Variants in MICAL2 observed in about 807,000 individuals in gnomAD.
The protein encoded by MICAL2 is microtubule associated monooxygenase, calponin and LIM domain containing 2, also known as [F-actin]-monooxygenase MICAL2.
A neutral mutation model predicts 127.3 loss-of-function variants in MICAL2; 77 were observed. That is an observed-to-expected ratio of 0.60 (90% CI 0.50 to 0.73). The LOEUF (loss-of-function observed/expected upper bound fraction) is 0.73, where lower values mean the gene tolerates loss of function less well. Ranked by LOEUF, MICAL2 falls within the 30% of genes least tolerant of loss-of-function variation. The pLI is 0.00. For synonymous variants in MICAL2, 570 were observed against 551.1 expected (o/e 1.03, Z -0.48); for missense variants, 1,351 against 1,434.4 (o/e 0.94, Z 0.94).
At position 12,162,409 on chromosome 11, in the gene MICAL2, C is replaced by G; in HGVS notation, c.254C>G (p.Thr85Arg). 1 of 1,614,184 alleles carries G rather than the reference C, an allele frequency of 6.2e-7. No homozygotes were observed. The highest frequency in any genetic ancestry group is 8.5e-7 in the Non-Finnish European group (1 of 1,180,000). The change falls in exon 3 of 28, where the codon ACG becomes AGG. Residue 85 changes from threonine to arginine, a missense_variant. By Grantham distance (71) the Thr-to-Arg change is moderately conservative. This residue lies in a region of MICAL2 where 599 missense variants were observed against 714.9 expected (regional missense o/e 0.84). Transcript: ENST00000683283. The stretch of plus-strand genomic sequence containing the variant: ...GAGTATAAGCGAGGGAAGTCGTGCA[C>G]GAACACCAAGGTAAGGGGAAACCCT... Reference protein sequence around the residue: ...HKEYKRGKSCTNTKCLIVGGG... With the variant: ...HKEYKRGKSCRNTKCLIVGGG...
intron 8 of MICAL2, among the ~76,000 whole-genome samples, chr11:12,218,149 C>A (rs1026068565): frequency 6.6e-6 from 1 of 152,194 alleles, no homozygotes; most frequent in African/African-American, 2.4e-5. Flanking sequence ...GGCTTCTTTC[C>A]ATGGCTACCG....
intron 31 of MICAL2, among the ~76,000 whole-genome samples, chr11:12,325,714 C>G (rs1023959778): frequency 1.3e-5 from 2 of 152,096 alleles, no homozygotes; most frequent in Admixed American, 1.3e-4. Context: ...GGGCCCCAGC[C>G]CTATGACTTC....
intron 1 of MICAL2, among the ~76,000 whole-genome samples, chr11:12,124,068 CT>C (rs1240209322): frequency 2.6e-5 from 4 of 152,208 alleles, no homozygotes; most frequent in Non-Finnish European, 5.9e-5. Flanking sequence ...TGCTTCTCCC[CT>C]GTCCTAAACT....
intron 8 of MICAL2, among the ~76,000 whole-genome samples, chr11:12,217,051 G>A (rs570559700): frequency 2.6e-4 from 40 of 152,238 alleles, no homozygotes; most frequent in Non-Finnish European, 2.9e-4. Context: ...GCTTAAGCAC[G>A]GAGCAGGGTT....
At chr11:12,118,269 G>A (rs528803262) in intron 1 of MICAL2, among the ~76,000 whole-genome samples, 70 of 152,242 alleles carry the variant, frequency 4.6e-4, no homozygotes, top group African/African-American at 1.6e-3. Flanking sequence ...ATAGATGCAC[G>A]GTAAGATATC....
intron 22 of MICAL2, chr11:12,255,228 A>AT: frequency 5.8e-6 from 1 of 172,802 alleles, no homozygotes; most frequent in Non-Finnish European, 1.3e-5. Flanking sequence ...AGCCTTAACC[A>AT]TTTTTTAAGG....
intron 32 of MICAL2, among the ~76,000 whole-genome samples, chr11:12,348,495 T>C (rs1332132539): frequency 6.6e-6 from 1 of 152,168 alleles, no homozygotes; most frequent in Non-Finnish European, 1.5e-5. Flanking sequence ...TAGTCCTCCA[T>C]AAATACTGAG....
chr11:12,261,013 C>T, intron 26 of MICAL2: 7 of 985,536 alleles, frequency 7.1e-6, no homozygotes, highest in Non-Finnish European at 8.4e-6. Context: ...CATTTTAGCC[C>T]CTGTGGCTCC....
chr11:12,202,768 T>C (rs1051306507), intron 3 of MICAL2, among the ~76,000 whole-genome samples: 1 of 152,242 alleles, frequency 6.6e-6, no homozygotes, highest in African/African-American at 2.4e-5. Context: ...CTCTGTACCA[T>C]GTTTTTTTCT....
chr11:12,157,928 C>A (rs1232116593), intron 2 of MICAL2, among the ~76,000 whole-genome samples: 1 of 152,144 alleles, frequency 6.6e-6, no homozygotes, highest in Non-Finnish European at 1.5e-5. Flanking sequence ...ACATGGGAAA[C>A]TAAAACCCAA....
upstream of MICAL2, among the ~76,000 whole-genome samples, chr11:12,273,632 A>G (rs914281504): frequency 4.0e-5 from 6 of 151,518 alleles, no homozygotes; most frequent in African/African-American, 1.5e-4. Context: ...TTCACAGGTG[A>G]TAAATACAGT....
chr11:12,126,939 C>G (rs1009801101), intron 1 of MICAL2, among the ~76,000 whole-genome samples: 1 of 151,974 alleles, frequency 6.6e-6, no homozygotes, highest in Non-Finnish European at 1.5e-5. Flanking sequence ...AGTTGCAGTG[C>G]AGATGGATAA....
At chr11:12,289,385 G>C (rs939680201), downstream of MICAL2, among the ~76,000 whole-genome samples, 1 of 152,180 alleles carries the variant, frequency 6.6e-6, no homozygotes, top group African/African-American at 2.4e-5. Context: ...CTCAAGAGTT[G>C]GAGAAATCCT....
chr11:12,360,108 C>CT (rs749473057), downstream of MICAL2, among the ~76,000 whole-genome samples: 116 of 143,202 alleles, frequency 8.1e-4, no homozygotes, highest in African/African-American at 2.5e-3. Flanking sequence ...TCCTTCCTTC[C>CT]TTTTTTTTTT....
At chr11:12,131,620 C>T (rs1435154934) in intron 1 of MICAL2, among the ~76,000 whole-genome samples, 3 of 152,202 alleles carry the variant, frequency 2.0e-5, no homozygotes, top group Non-Finnish European at 4.4e-5. Flanking sequence ...ATCAACAGCC[C>T]CCAGTTCAGC....
intron 3 of MICAL2, among the ~76,000 whole-genome samples, chr11:12,169,845 C>T (rs1856010098): frequency 6.6e-6 from 1 of 152,142 alleles, no homozygotes; most frequent in Non-Finnish European, 1.5e-5. Flanking sequence ...GATTCTCCTC[C>T]CTGGAGTGGA....
chr11:12,194,305 A>T (rs887003699), intron 3 of MICAL2, among the ~76,000 whole-genome samples: 6 of 152,236 alleles, frequency 3.9e-5, no homozygotes, highest in African/African-American at 1.4e-4. Context: ...GAATAGCTAC[A>T]GCTGTAAGAC....
intron 3 of MICAL2, among the ~76,000 whole-genome samples, chr11:12,195,523 T>C (rs765922932): frequency 6.6e-6 from 1 of 152,068 alleles, no homozygotes; most frequent in Non-Finnish European, 1.5e-5. Flanking sequence ...TGAAAAGTAT[T>C]ATAATGAAAT....
chr11:12,341,255 T>C (rs1256898160), intron 32 of MICAL2, among the ~76,000 whole-genome samples: 1 of 152,046 alleles, frequency 6.6e-6, no homozygotes, highest in Non-Finnish European at 1.5e-5. Context: ...CCCTAGATCA[T>C]CAGTGAAGAT....
Sources: gnomAD v4.1 joint callset for allele counts (sites outside exome capture counted in the v4.1 genomes callset) on GRCh38, gnomAD v4.1.1 for gene constraint, gnomAD v4.1.1 regional missense constraint, MANE v1.5 for transcripts, NCBI Gene and HGNC (gene_info 2026-07-23, HGNC 2026-07-21) for gene names.